SETD2: variants seen among roughly 807,000 people sequenced by gnomAD.
SETD2 encodes histone-lysine N-methyltransferase SETD2.
In SETD2, 31 loss-of-function variants were observed where a neutral mutation model predicts 242.1. The observed-to-expected ratio is 0.13, with a 90% CI of 0.10 to 0.17. The LOEUF (loss-of-function observed/expected upper bound fraction) is 0.17, where lower values mean the gene tolerates loss of function less well. SETD2 is among the 10% of genes least tolerant of loss of function. The probability of loss-of-function intolerance (pLI) is 1.00; values close to 1 mark genes in which losing one functional copy is unlikely to be tolerated. For synonymous variants in SETD2, 1,006 were observed against 1,066.5 expected, an observed-to-expected ratio of 0.94 and a Z score of 1.11; for missense variants, 2,481 against 3,046.3, an observed-to-expected ratio of 0.81 and a Z score of 4.37.
At chr3:47,163,765 G>T in intron 1 of SETD2, 89 bp downstream of exon 1, 2 of 1,121,134 alleles carry the variant, frequency 1.8e-6, no homozygotes, top group South Asian at 4.4e-5. Flanking sequence ...TCCTCGCGCC[G>T]GCCCGCGCCG....
At chr3:47,107,238 T>C (rs2107700866) in intron 5 of SETD2, among the ~76,000 whole-genome samples, 1 of 152,300 alleles carries the variant, frequency 6.6e-6, no homozygotes, top group African/African-American at 2.4e-5. Flanking sequence ...AAAATAAACA[T>C]ACCCTAATTC....
intron 19 of SETD2, among the ~76,000 whole-genome samples, chr3:47,019,186 C>T (rs561116779): frequency 1.3e-4 from 20 of 152,302 alleles, no homozygotes; most frequent in African/African-American, 4.6e-4. Flanking sequence ...GAGAATTAGG[C>T]AGCTACCAAA....
chr3:47,098,109 A>G (rs750063516), intron 8 of SETD2, 28 bp from the exon 9 acceptor site: 2 of 1,612,574 alleles, frequency 1.2e-6, no homozygotes, highest in South Asian at 2.2e-5. Flanking sequence ...GAAAGAAGTC[A>G]GCTATGTGGA....
chr3:47,044,599 T>TA (rs2039439720), intron 16 of SETD2, among the ~76,000 whole-genome samples: 1 of 152,144 alleles, frequency 6.6e-6, no homozygotes, highest in Admixed American at 6.6e-5. Flanking sequence ...TTCTGTTTAG[T>TA]TTTTTCAGTT....
rs2107576845 is a variant in SETD2, at chr3:47,057,297, G to A, written c.6487C>T (p.Pro2163Ser). The change falls in exon 15 of 21, where the codon CCC becomes TCC. Residue 2163 changes from proline to serine, a missense_variant. Physicochemically the swap from Pro to Ser is moderately conservative, Grantham distance 74 (BLOSUM62 -1). Coordinates refer to ENST00000409792, the MANE Select transcript of SETD2 (RefSeq NM_014159.7). ...DSLGYNAPHH[P>S]FAGYPPGYPM... Reference sequence around the variant, plus strand: ...TAACCTGGTGGGTAACCAGCAAAGGGATGATGCGGGGCATTATAACCAAGA... The same window carrying A: ...TAACCTGGTGGGTAACCAGCAAAGGAATGATGCGGGGCATTATAACCAAGA... 1 of 1,614,198 alleles carries A rather than the reference G, an allele frequency of 6.2e-7. No individual in the cohort carries two copies. The highest frequency in any genetic ancestry group is 8.5e-7 in the Non-Finnish European group (1 of 1,180,026).
At chr3:47,032,006 GA>G (rs1383120530) in intron 18 of SETD2, among the ~76,000 whole-genome samples, 1 of 152,282 alleles carries the variant, frequency 6.6e-6, no homozygotes, top group Middle Eastern at 3.4e-3. Flanking sequence ...GAATACAGCT[GA>G]AGTCTCATTG....
At chr3:47,071,538 TTG>T (rs2040818385) in intron 12 of SETD2, among the ~76,000 whole-genome samples, 1 of 152,170 alleles carries the variant, frequency 6.6e-6, no homozygotes, top group Non-Finnish European at 1.5e-5. Flanking sequence ...GCCCAAAACA[TTG>T]TGTTTCCAGG....
chr3:47,120,323 A>ACTGATGTCT lies in SETD2; in HGVS notation c.4304_4312dup (p.Glu1435_Ser1437dup). The ACTGATGTCT allele has an allele frequency of 6.2e-7, 1 of 1,613,930 alleles. No individual in the cohort carries two copies. The highest frequency in any genetic ancestry group is 8.5e-7 in the Non-Finnish European group (1 of 1,179,938). ...CCCAACCAGTGCTGAACCTGGGGGC[A>ACTGATGTCT]CTGATGTCTCTCCCTGCTCTACCTC... On this transcript the variant is annotated inframe_insertion, in exon 3 of 21. Coordinates refer to ENST00000409792, the MANE Select transcript of SETD2 (RefSeq NM_014159.7).
At chr3:47,138,351 C>T in intron 1 of SETD2, 1 of 209,656 alleles carries the variant, frequency 4.8e-6, no homozygotes, top group Non-Finnish European at 1.0e-5. Flanking sequence ...CTCACTGCAA[C>T]CTCCACCTCC....
intron 6 of SETD2, among the ~76,000 whole-genome samples, chr3:47,104,043 G>C (rs1409736428): frequency 6.6e-6 from 1 of 152,156 alleles, no homozygotes; most frequent in African/African-American, 2.4e-5. Flanking sequence ...CCCATGGAGA[G>C]TTTGTTAAAA....
chr3:47,129,782 G>A (rs1298726555), intron 1 of SETD2, among the ~76,000 whole-genome samples: 5 of 152,112 alleles, frequency 3.3e-5, no homozygotes, highest in Non-Finnish European at 7.4e-5. Flanking sequence ...CTACTTGGGA[G>A]GCTGAGGCAG....
intron 1 of SETD2, among the ~76,000 whole-genome samples, chr3:47,135,911 C>A (rs2043580217): frequency 6.6e-6 from 1 of 152,116 alleles, no homozygotes; most frequent in Admixed American, 6.6e-5. Context: ...AGTTACTAGA[C>A]CAGCATCTTA....
chr3:47,049,656 G>A (rs1386313353), intron 15 of SETD2, among the ~76,000 whole-genome samples: 3 of 147,572 alleles, frequency 2.0e-5, no homozygotes, highest in Non-Finnish European at 4.5e-5. Flanking sequence ...ACAGGTGTGA[G>A]CCACCGCGCC....
intron 18 of SETD2, among the ~76,000 whole-genome samples, chr3:47,034,584 G>A (rs1406719549): frequency 6.6e-6 from 1 of 152,150 alleles, no homozygotes; most frequent in Admixed American, 6.5e-5. Flanking sequence ...GATTACTTGA[G>A]CCTGAGAGTT....
chr3:47,078,627 T>C (rs1216133294), intron 12 of SETD2, among the ~76,000 whole-genome samples: 3 of 151,920 alleles, frequency 2.0e-5, no homozygotes, highest in Admixed American at 6.6e-5. Context: ...TCACTGTGAT[T>C]TGCTGATTTT....
intron 15 of SETD2, among the ~76,000 whole-genome samples, chr3:47,047,729 T>G (rs1248304612): frequency 2.0e-5 from 3 of 152,132 alleles, no homozygotes; most frequent in African/African-American, 7.2e-5. Flanking sequence ...TAAACCAGAC[T>G]GAAAAACATT....
chr3:47,030,679 A>C (rs2038723096), intron 18 of SETD2, among the ~76,000 whole-genome samples: 1 of 152,188 alleles, frequency 6.6e-6, no homozygotes, highest in African/African-American at 2.4e-5. Flanking sequence ...GGAAAAAGAT[A>C]ATTATATTTT....
At chr3:47,113,854 AG>A (rs1292622479) in intron 5 of SETD2, 21 bp downstream of exon 5, 34 of 1,604,218 alleles carry the variant, frequency 2.1e-5, no homozygotes, top group Non-Finnish European at 2.9e-5. Context: ...AGGAAGTGAA[AG>A]GTAATTAAAA....
chr3:47,112,965 T>C (rs2042716509), intron 5 of SETD2, among the ~76,000 whole-genome samples: 1 of 152,228 alleles, frequency 6.6e-6, no homozygotes, highest in Non-Finnish European at 1.5e-5. Flanking sequence ...GAAAATAAAG[T>C]GAACCTTTTG....
Sources: allele counts gnomAD v4.1 joint callset (sites outside exome capture counted in the v4.1 genomes callset), GRCh38; gene constraint gnomAD v4.1.1; transcripts MANE v1.5; gene names NCBI Gene and HGNC (gene_info 2026-07-23, HGNC 2026-07-21).